The following SPATA6 variants were observed in gnomAD, a reference collection of about 807,000 sequenced individuals.
SPATA6 encodes spermatogenesis associated 6.
A neutral mutation model predicts 65.3 loss-of-function variants in SPATA6; 56 were observed. That is an observed-to-expected ratio of 0.86 (90% CI 0.69 to 1.07). SPATA6 has a LOEUF of 1.07. SPATA6 is among the 50% of genes least tolerant of loss of function. The pLI is 0.00. For synonymous variants in SPATA6, 199 were observed against 213.2 expected (o/e 0.93, Z 0.58); for missense variants, 590 against 594.8 (o/e 0.99, Z 0.08).
At chr1:48,335,611 A>T (rs764978101) in intron 11 of SPATA6, among the ~76,000 whole-genome samples, 37 of 152,146 alleles carry the variant, frequency 2.4e-4, no homozygotes, top group Non-Finnish European at 5.3e-4. Context: ...CCACTTCCTT[A>T]AAACATATGC....
intron 9 of SPATA6, among the ~76,000 whole-genome samples, chr1:48,381,648 C>CTTTTGTT (rs1553160390): frequency 8.2e-4 from 92 of 112,362 alleles, no homozygotes; most frequent in East Asian, 5.2e-3. Context: ...TATGGTTTTT[C>CTTTTGTT]TTTTTTTTTT....
At chr1:48,314,372 T>A (rs1443847553) in intron 11 of SPATA6, among the ~76,000 whole-genome samples, 3 of 152,006 alleles carry the variant, frequency 2.0e-5, no homozygotes, top group African/African-American at 7.3e-5. Flanking sequence ...AAACTAGAAC[T>A]CAGGATTAAG....
At chr1:48,369,064 C>T (rs982247250) in intron 9 of SPATA6, among the ~76,000 whole-genome samples, 1 of 152,154 alleles carries the variant, frequency 6.6e-6, no homozygotes. Flanking sequence ...GTCCACTCCA[C>T]ACTGTTTGCC....
chr1:48,345,746 A>G (rs939488791), intron 11 of SPATA6, among the ~76,000 whole-genome samples: 1 of 152,266 alleles, frequency 6.6e-6, no homozygotes, highest in South Asian at 2.1e-4. Flanking sequence ...TAAAGAAGAA[A>G]TAGATAAATT....
the SPATA6 span, among the ~76,000 whole-genome samples, chr1:48,283,380 A>T: frequency 6.6e-6 from 1 of 151,688 alleles, no homozygotes; most frequent in Admixed American, 6.6e-5. Flanking sequence ...AGATATTCTG[A>T]ATTGAAAATT....
At chr1:48,301,384 T>C (rs942395717) in intron 12 of SPATA6, among the ~76,000 whole-genome samples, 1 of 151,880 alleles carries the variant, frequency 6.6e-6, no homozygotes, top group Non-Finnish European at 1.5e-5. Context: ...AATGGAAAGA[T>C]ATTCCATGTT....
chr1:48,394,089 T>C (rs561345642), intron 8 of SPATA6, among the ~76,000 whole-genome samples: 3 of 152,232 alleles, frequency 2.0e-5, no homozygotes, highest in East Asian at 3.9e-4. Flanking sequence ...GCAAATATTA[T>C]TGTTATGGAT....
chr1:48,349,557 T>C (rs1321762918), intron 11 of SPATA6, among the ~76,000 whole-genome samples: 2 of 151,892 alleles, frequency 1.3e-5, no homozygotes, highest in Non-Finnish European at 2.9e-5. Context: ...TATCTATGAG[T>C]TTTGACAAAT....
At chr1:48,355,645 T>C (rs1027053865) in intron 11 of SPATA6, 25 bp downstream of exon 11, 1 of 1,518,478 alleles carries the variant, frequency 6.6e-7, no homozygotes, top group Non-Finnish European at 9.1e-7. Context: ...TAAATAGTCT[T>C]CAAAAAAAAA....
chr1:48,432,725 T>C (rs941096867), intron 3 of SPATA6, among the ~76,000 whole-genome samples: 30 of 152,152 alleles, frequency 2.0e-4, no homozygotes, highest in African/African-American at 7.2e-4. Context: ...TGGTAATTTC[T>C]GAAAAAAATT....
chr1:48,270,617 T>TA, the SPATA6 span, among the ~76,000 whole-genome samples: 74 of 150,188 alleles, frequency 4.9e-4, no homozygotes, highest in African/African-American at 1.4e-3. Context: ...GAAAATCAAA[T>TA]AAAAAAAAGA....
intron 7 of SPATA6, 43 bp from the exon 8 acceptor site, chr1:48,395,397 T>G: frequency 3.6e-6 from 5 of 1,382,634 alleles, no homozygotes; most frequent in Non-Finnish European, 4.8e-6. Context: ...GTTTAAACAT[T>G]CCTAGACTTT....
At chr1:48,316,019 C>T (rs1294662974) in intron 11 of SPATA6, among the ~76,000 whole-genome samples, 1 of 152,102 alleles carries the variant, frequency 6.6e-6, no homozygotes. Flanking sequence ...CAAACCACTG[C>T]TCAAGGAAAT....
At chr1:48,339,940 T>C (rs1190112280) in intron 11 of SPATA6, among the ~76,000 whole-genome samples, 2 of 151,926 alleles carry the variant, frequency 1.3e-5, no homozygotes, top group Non-Finnish European at 2.9e-5. Flanking sequence ...TTGGCTATGA[T>C]TGAGTGAAGA....
chr1:48,400,778 G>A, intron 6 of SPATA6: 3 of 1,297,594 alleles, frequency 2.3e-6, no homozygotes, highest in South Asian at 1.3e-5. Flanking sequence ...CAGACCAGTT[G>A]CATCAGATTA....
intron 11 of SPATA6, among the ~76,000 whole-genome samples, chr1:48,352,933 C>T (rs1646553677): frequency 6.7e-6 from 1 of 148,486 alleles, no homozygotes; most frequent in Non-Finnish European, 1.5e-5. Context: ...GACTTTTAAC[C>T]TAGAATTCTA....
intron 11 of SPATA6, chr1:48,325,340 T>G: frequency 8.3e-6 from 11 of 1,318,112 alleles, no homozygotes; most frequent in Non-Finnish European, 1.2e-5. Flanking sequence ...CCCCGTAGAG[T>G]CCTCCCCTGA....
intron 2 of SPATA6, among the ~76,000 whole-genome samples, chr1:48,452,168 T>C (rs1045211206): frequency 6.6e-6 from 1 of 151,882 alleles, no homozygotes; most frequent in Non-Finnish European, 1.5e-5. Flanking sequence ...CCATGTGTCC[T>C]CAGTGCCTAG....
intron 7 of SPATA6, chr1:48,399,109 C>A (rs1570449131): frequency 2.3e-6 from 1 of 435,828 alleles, no homozygotes; most frequent in Non-Finnish European, 4.0e-6. Flanking sequence ...GAAAGGAAAC[C>A]GGTACTGAGA....
Sources: gnomAD v4.1 joint callset for allele counts (sites outside exome capture counted in the v4.1 genomes callset) on GRCh38, gnomAD v4.1.1 for gene constraint, MANE v1.5 for transcripts, NCBI Gene and HGNC (gene_info 2026-07-23, HGNC 2026-07-21) for gene names.